Variants in SUN1 observed in about 807,000 individuals in gnomAD.
SUN1 encodes the protein Sad1 and UNC84 domain containing 1.
Under a neutral mutation model 103.2 loss-of-function variants are expected in SUN1, and 61 were observed. The observed-to-expected ratio is 0.59, with a 90% CI of 0.48 to 0.73. The LOEUF is 0.73. Ranked by LOEUF, SUN1 falls within the 30% of genes least tolerant of loss-of-function variation. The pLI, the probability that SUN1 is intolerant of heterozygous loss-of-function variation, is 0.00. For synonymous variants in SUN1, 490 were observed against 425.7 expected (o/e 1.15, Z -1.86); for missense variants, 1,052 against 1,034.6 (o/e 1.02, Z -0.23).
intron 1 of SUN1, 140 bp downstream of exon 1, chr7:832,741 C>G: frequency 1.4e-6 from 1 of 709,176 alleles, no homozygotes; most frequent in Non-Finnish European, 2.4e-6. Context: ...TAAACTGTAT[C>G]TTATGGCTTT....
chr7:859,163 AAAAAAG>A (rs1424662511), intron 13 of SUN1, among the ~76,000 whole-genome samples: 31 of 152,002 alleles, frequency 2.0e-4, no homozygotes, highest in Admixed American at 4.6e-4. Flanking sequence ...AAAAAAAAAA[AAAAAAG>A]AAAAAGAAAA....
rs560894681 is a variant in SUN1 at position 846,670 on chromosome 7, G to A, written c.658+3150G>A. Reference sequence around the variant, plus strand: ...GTGGGAGGATCACATGAGGCCTGGAGTTTGAGACCAGCCTGGGCAACATAG... The same window carrying A: ...GTGGGAGGATCACATGAGGCCTGGAATTTGAGACCAGCCTGGGCAACATAG... On this transcript the variant is annotated intron_variant, in intron 5 of 18. Transcript: ENST00000401592. Among the ~76,000 whole-genome samples, 3 of 152,170 alleles carry A rather than the reference G, an allele frequency of 2.0e-5. No homozygotes were observed. The South Asian group carries it at 6.2e-4, about 32-fold the overall frequency.
chr7:839,758 T>G (rs1807326330), intron 2 of SUN1, among the ~76,000 whole-genome samples: 1 of 46,666 alleles, frequency 2.1e-5, no homozygotes, highest in African/African-American at 7.9e-5. Flanking sequence ...TTCACCATGT[T>G]GGCCAGGCTG....
chr7:840,639 CTTTTTT>C (rs540064618), intron 2 of SUN1, among the ~76,000 whole-genome samples: 119 of 127,766 alleles, frequency 9.3e-4, no homozygotes, highest in Admixed American at 9.7e-4. Flanking sequence ...ACCATCTATT[CTTTTTT>C]TTTTTTTTTT....
chr7:819,681 G>T (rs1211419035), intron 1 of SUN1, among the ~76,000 whole-genome samples: 2 of 150,034 alleles, frequency 1.3e-5, no homozygotes, highest in Non-Finnish European at 3.0e-5. Context: ...TGTTCTGCAG[G>T]TCTGTATGTT....
rs1036633023 is a variant in SUN1 at position 874,617 on chromosome 7, T to A, written c.*1286T>A. ...TCAAGCAGCATTTTTTTCACTCTCC[T>A]TAGAATTGGAACTATGCAGTTAAGG... On this transcript the variant is annotated 3_prime_UTR_variant, in exon 19 of 19. Transcript: ENST00000401592. 1 of 152,294 alleles carries A rather than the reference T, an allele frequency of 6.6e-6. No homozygotes were observed. The highest frequency in any genetic ancestry group is 1.5e-5 in the Non-Finnish European group (1 of 68,020). 9.4% of individuals were successfully genotyped at this position (152,294 alleles called of 1,614,324 possible).
At chr7:855,782 G>A (rs1826607449) in intron 11 of SUN1, among the ~76,000 whole-genome samples, 1 of 152,074 alleles carries the variant, frequency 6.6e-6, no homozygotes, top group Non-Finnish European at 1.5e-5. Flanking sequence ...GGTCTGTGGG[G>A]CGCCTCCTCC....
At chr7:850,020 C>T (rs756460020) in intron 5 of SUN1, 4 of 1,593,924 alleles carry the variant, frequency 2.5e-6, no homozygotes, top group Non-Finnish European at 3.4e-6. Flanking sequence ...TCTGGCACAT[C>T]TGGGCATGTG....
At chr7:850,007 C>T (rs1328798218) in intron 5 of SUN1, 1 of 1,598,294 alleles carries the variant, frequency 6.3e-7, no homozygotes, top group Non-Finnish European at 8.5e-7. Flanking sequence ...CGGGCAGGGA[C>T]CCTCTGGCAC....
chr7:852,193 T>C, intron 7 of SUN1, 150 bp downstream of exon 7: 1 of 714,866 alleles, frequency 1.4e-6, no homozygotes. Flanking sequence ...TATATTCTTA[T>C]TTTTCAAACC....
chr7:825,199 C>T (rs979419339), intron 1 of SUN1, among the ~76,000 whole-genome samples: 1 of 151,984 alleles, frequency 6.6e-6, no homozygotes, highest in Non-Finnish European at 1.5e-5. Context: ...GCTGGGACTA[C>T]AGGCGCCCGC....
chr7:849,965 C>T, intron 5 of SUN1: 2 of 1,602,014 alleles, frequency 1.2e-6, no homozygotes, highest in Non-Finnish European at 1.7e-6. Context: ...GCGCACACAG[C>T]CGCCCACTCG....
chr7:851,623 T>C (rs1404908138), intron 6 of SUN1, 141 bp downstream of exon 6: 4 of 782,870 alleles, frequency 5.1e-6, no homozygotes, highest in Admixed American at 4.9e-5. Flanking sequence ...TCGTTCTTTA[T>C]GACGTAGCAA....
chr7:815,978 CT>C, upstream of SUN1: 1 of 205,940 alleles, frequency 4.9e-6, no homozygotes, highest in Non-Finnish European at 1.0e-5. Flanking sequence ...GCAGCTGCCC[CT>C]CCCCCAAGAC....
Position 838,911 on chromosome 7 carries a change from C to A in SUN1, c.191C>A (p.Thr64Asn), listed in dbSNP as rs1181274189. ...TTGCGCCTGGCCACGACAGCATGCA[C>A]CCTGGGGGATGGTGAGGCTGTGGGT... is the stretch of plus-strand genomic sequence containing the variant. The part of the protein sequence containing the change: ...RSLRLATTAC[T>N]LGDGEAVGAD... The change falls in exon 2 of 19, where the codon ACC becomes AAC. Residue 64 changes from threonine (T) to asparagine (N), a missense_variant. Transcript: ENST00000401592. 2 of 1,611,510 alleles carry A rather than the reference C, an allele frequency of 1.2e-6. No homozygotes were observed. The highest frequency in any genetic ancestry group is 1.7e-5 in the Admixed American group (1 of 59,604).
chr7:819,428 A>G (rs1271196180), intron 1 of SUN1, among the ~76,000 whole-genome samples: 1 of 152,166 alleles, frequency 6.6e-6, no homozygotes, highest in Non-Finnish European at 1.5e-5. Flanking sequence ...ATCCAAGGTC[A>G]GGAGGATTTG....
chr7:844,108 G>C (rs917774471), intron 5 of SUN1, among the ~76,000 whole-genome samples: 11 of 152,204 alleles, frequency 7.2e-5, no homozygotes, highest in African/African-American at 2.7e-4. Context: ...GCAAGAGTGT[G>C]GGTGTCACCG....
intron 1 of SUN1, among the ~76,000 whole-genome samples, chr7:821,872 A>T (rs1200103049): frequency 6.6e-6 from 1 of 151,816 alleles, no homozygotes; most frequent in Non-Finnish European, 1.5e-5. Context: ...CTATCTAGGC[A>T]GTAGGCCCAG....
At chr7:858,105 C>T (rs1256553059) in intron 13 of SUN1, 148 bp downstream of exon 13, 24 of 999,076 alleles carry the variant, frequency 2.4e-5, no homozygotes, top group Non-Finnish European at 3.3e-5. Context: ...GGCTAGACTG[C>T]AGTGGCGCGA....
Sources: gnomAD v4.1 joint callset for allele counts (sites outside exome capture counted in the v4.1 genomes callset) on GRCh38, gnomAD v4.1.1 for gene constraint, MANE v1.5 for transcripts, NCBI Gene and HGNC (gene_info 2026-07-23, HGNC 2026-07-21) for gene names.